B4GALNT4: variants seen among roughly 807,000 people sequenced by gnomAD.
The protein encoded by B4GALNT4 is beta-1,4-N-acetyl-galactosaminyltransferase 4.
In B4GALNT4, 77 loss-of-function variants were observed where a neutral mutation model predicts 110.0. The ratio of observed to expected loss-of-function variants is 0.70; its 90% confidence interval spans 0.58 to 0.85. The LOEUF (loss-of-function observed/expected upper bound fraction) is 0.85. B4GALNT4 is among the 40% of genes least tolerant of loss of function. B4GALNT4 has a pLI of 0.00. For missense variants in B4GALNT4, 1,575 were observed against 1,506.0 expected, an observed-to-expected ratio of 1.05 and a Z score of -0.76; for synonymous variants, 785 against 655.5, an observed-to-expected ratio of 1.20 and a Z score of -3.02.
rs1564870259 is a variant in B4GALNT4 at position 376,182 on chromosome 11, C to CGCGGCCGGGCTAAT, written c.1196+13_1196+26dup. On this transcript the variant is annotated intron_variant, in intron 12 of 19. Transcript: ENST00000329962. ...TCCGCTGTATCTGGAGAGGTGGGCGCGCGGCCGGGCTAATGCGGGGCGGGG... is the reference window on the plus strand; with the variant it reads ...TCCGCTGTATCTGGAGAGGTGGGCGCGCGGCCGGGCTAATGCGGCCGGGCTAATGCGGGGCGGGG... 3 of 1,076,758 alleles carry CGCGGCCGGGCTAAT rather than the reference C, an allele frequency of 2.8e-6. No individual in the cohort carries two copies. Among genetic ancestry groups the CGCGGCCGGGCTAAT allele is most frequent in the Non-Finnish European group, 3.9e-6 (3 of 763,864 alleles). 66.7% of individuals were successfully genotyped at this position (1,076,758 alleles called of 1,614,324 possible). A position where few individuals can be genotyped will look rare whatever the true frequency, so the allele number is the denominator to read the frequency against.
Position 379,606 on chromosome 11 carries a change from C to T in B4GALNT4, c.2393C>T (p.Pro798Leu), listed in dbSNP as rs1225111920. The change falls in exon 15 of 20, where the codon CCC becomes CTC. Residue 798 changes from proline to leucine, a missense_variant. Transcript: ENST00000329962. ...DADGESPEPA[P>L]AASVRPDGRP... ...GACGGAGAAAGTCCCGAACCCGCTC[C>T]CGCCGCCTCCGTGCGCCCCGACGGC... 6.4e-7 allele frequency: 1 copy of T among 1,552,702 alleles called. No homozygotes were observed.
rs554396540 is a variant in B4GALNT4, at chr11:377,404, C to T, written c.2204+77C>T. ...CGGGGAGAGGAGGTCCTGGCCTTGGCGGACTCCTCAGACCTTCCCCAGGGC... is the reference window on the plus strand; with the variant it reads ...CGGGGAGAGGAGGTCCTGGCCTTGGTGGACTCCTCAGACCTTCCCCAGGGC... On this transcript the variant is annotated intron_variant, in intron 14 of 19. Transcript: ENST00000329962. 6.0e-5 allele frequency: 84 copies of T among 1,393,956 alleles called. No homozygotes were observed. In the South Asian group the frequency reaches 1.1e-3, roughly 19 times the overall value. 86.3% of individuals were successfully genotyped at this position (1,393,956 alleles called of 1,614,324 possible).
chr11:375,679 C>A lies in B4GALNT4; in HGVS notation c.891C>A (p.Pro297=). ...AGATGGACCACGTGGCGCACGTCCC[C>A]CAGTCTCCAGCCAGCCACGTGGGGG... The part of the protein sequence containing the change: ...ALKMDHVAHV[P]QSPASHVGGR... The change falls in exon 10 of 20, where the codon CCC becomes CCA. Residue 297 remains proline (P), a synonymous_variant. Transcript: ENST00000329962. 1 of 1,594,040 alleles carries A rather than the reference C, an allele frequency of 6.3e-7. No individual in the cohort carries two copies. Among genetic ancestry groups the A allele is most frequent in the Non-Finnish European group, 8.5e-7 (1 of 1,175,066 alleles).
chr11:380,185 G>T lies in B4GALNT4; in HGVS notation c.2698G>T (p.Gly900Ter). ...CGAGCGCTCCGCCGGGCTGCAGGCG[G>T]GAGTGGACGCGGTAGAGGTCCGAGG... Reference protein sequence around the residue: ...NFERSAGLQAGVDAVEDASSI... With the variant: ...NFERSAGLQA The change falls in exon 17 of 20, where the codon GGA (glycine) becomes TGA (stop). Residue 900 changes from glycine (G) to a stop codon, truncating the protein, a stop_gained. Coordinates refer to ENST00000329962, the MANE Select transcript of B4GALNT4 (RefSeq NM_178537.5). LOFTEE classifies it high-confidence loss of function. 6.2e-7 allele frequency: 1 copy of T among 1,603,434 alleles called. No individual in the cohort carries two copies. The highest frequency in any genetic ancestry group is 8.5e-7 in the Non-Finnish European group (1 of 1,172,896).
At chr11:372,046 C>T (rs1846626394) in intron 1 of B4GALNT4, 63 bp from the exon 2 acceptor site, 4 of 1,382,474 alleles carry the variant, frequency 2.9e-6, no homozygotes, top group South Asian at 1.2e-5. Flanking sequence ...CTGAACCCAG[C>T]AGCAGGCAGA....
Position 380,168 on chromosome 11 carries a change from C to A in B4GALNT4, c.2681C>A (p.Ser894Tyr). The change falls in exon 17 of 20, where the codon TCC becomes TAC. Residue 894 changes from serine to tyrosine, a missense_variant. Ser to Tyr is a moderately radical substitution (Grantham distance 144). Coordinates refer to ENST00000329962, the MANE Select transcript of B4GALNT4 (RefSeq NM_178537.5). ...AGACGAACCGGGAACTTCGAGCGCT[C>A]CGCCGGGCTGCAGGCGGGAGTGGAC... ...YLRRTGNFER[S>Y]AGLQAGVDAV... 1 of 1,603,998 alleles carries A rather than the reference C, an allele frequency of 6.2e-7. No homozygotes were observed. The highest frequency in any genetic ancestry group is 8.5e-7 in the Non-Finnish European group (1 of 1,173,052).
intron 1 of B4GALNT4, among the ~76,000 whole-genome samples, 198 bp downstream of exon 1, chr11:370,152 G>T (rs1223074082): frequency 3.3e-5 from 5 of 151,634 alleles, no homozygotes; most frequent in Non-Finnish European, 5.9e-5. Context: ...TCTGCGATTT[G>T]GGGGGAGGGG....
At chr11:370,232 C>T (rs1050291913) in intron 1 of B4GALNT4, among the ~76,000 whole-genome samples, 26 of 152,160 alleles carry the variant, frequency 1.7e-4, no homozygotes, top group South Asian at 4.1e-4. Context: ...CAGAGAGGGT[C>T]CCTGACTCTG....
chr11:374,202 C>T (rs1846678127), intron 8 of B4GALNT4, among the ~76,000 whole-genome samples: 1 of 152,100 alleles, frequency 6.6e-6, no homozygotes, highest in Non-Finnish European at 1.5e-5. Context: ...GAGCAGCACT[C>T]TGGACAGATA....
chr11:376,312 G>C lies in B4GALNT4; in HGVS notation c.1258G>C (p.Glu420Gln), dbSNP rs755763805. The C allele has an allele frequency of 2.5e-6, 4 of 1,610,172 alleles. No homozygotes were observed. The Admixed American group carries it at 6.7e-5, about 27-fold the overall frequency. The change falls in exon 13 of 20, where the codon GAG (glutamate) becomes CAG (glutamine). Residue 420 changes from glutamate to glutamine, a missense_variant. Coordinates refer to ENST00000329962, the MANE Select transcript of B4GALNT4 (RefSeq NM_178537.5). Reference protein sequence around the residue: ...KEEGDEDEEDEVQRRAFLFLN... With the variant: ...KEEGDEDEEDQVQRRAFLFLN... ...GGAGGGGGATGAGGATGAAGAAGAC[G>C]AGGTGCAGCGCCGAGCCTTCCTCTT...
Position 380,906 on chromosome 11 carries a change from A to T in B4GALNT4, c.2951A>T (p.Glu984Val). ...FDRVGGMNTE[E>V]FRDQWGGEDW... ...CGGGTTGGAGGAATGAACACGGAGG[A>T]GTTCCGAGACCAGTGGGGGGGTGAA... Residue 984 changes from glutamate to valine, a missense_variant, in exon 19 of 20, where the codon GAG (glutamate) becomes GTG (valine). Glu to Val is a moderately radical substitution (Grantham distance 121). Coordinates refer to ENST00000329962, the MANE Select transcript of B4GALNT4 (RefSeq NM_178537.5). 1 of 1,613,596 alleles carries T rather than the reference A, an allele frequency of 6.2e-7. No homozygotes were observed. The highest frequency in any genetic ancestry group is 8.5e-7 in the Non-Finnish European group (1 of 1,179,816).
intron 14 of B4GALNT4, among the ~76,000 whole-genome samples, chr11:378,716 G>A (rs1846809956): frequency 1.3e-5 from 2 of 152,060 alleles, no homozygotes; most frequent in Non-Finnish European, 2.9e-5. Flanking sequence ...GGAAACTGAG[G>A]TTCTTGGCCG....
intron 8 of B4GALNT4, 144 bp from the exon 9 acceptor site, chr11:375,317 C>A (rs1590338410): frequency 2.3e-6 from 2 of 862,052 alleles, no homozygotes; most frequent in East Asian, 2.4e-5. Context: ...TCTTGGAACG[C>A]CCCGGACCCC....
rs182991172 is a variant in B4GALNT4, at chr11:380,969, C to T, written c.2996+18C>T. The T allele has an allele frequency of 1.5e-4, 241 of 1,602,238 alleles. No individual in the cohort carries two copies. The highest frequency in any genetic ancestry group is 4.7e-4 in the Admixed American group (28 of 58,966). On this transcript the variant is annotated intron_variant, in intron 19 of 19. Transcript: ENST00000329962. The stretch of plus-strand genomic sequence containing the variant: ...CTGGACAGGTGACCACCTCCCCACT[C>T]CCCAGAGGTGACACCCTGACCCCTG...
rs555655971 is a variant in B4GALNT4, at chr11:374,335, G to A, written c.783+507G>A. On this transcript the variant is annotated intron_variant, in intron 8 of 19. Transcript: ENST00000329962. ...GCCTTTGGTCCTCAAACCCAGGGAG[G>A]TGGCTGTGGGGATGGACGGGGGAAG... 3.3e-5 allele frequency among the ~76,000 whole-genome samples: 5 copies of A among 152,000 alleles called. No homozygotes were observed. In the East Asian group the frequency reaches 5.9e-4, roughly 18 times the overall value.
chr11:376,431 C>G lies in B4GALNT4; in HGVS notation c.1308C>G (p.Asp436Glu), dbSNP rs1564870524. 6 of 1,597,462 alleles carry G rather than the reference C, an allele frequency of 3.8e-6. No homozygotes were observed. The highest frequency in any genetic ancestry group is 1.7e-5 in the Admixed American group (1 of 59,776). The part of the protein sequence containing the change: ...FLFLNPDDFL[D>E]DEDEGELLDS... ...CCGCGTTTCCCGCAGACTTCCTGGA[C>G]GACGAGGACGAGGGGGAGCTGCTCG... is the stretch of plus-strand genomic sequence containing the variant. The change falls in exon 14 of 20, where the codon GAC (aspartate) becomes GAG (glutamate). Residue 436 changes from aspartate to glutamate, a missense_variant. Asp to Glu is a conservative substitution (Grantham distance 45). Transcript: ENST00000329962.
At position 380,460 on chromosome 11, in the gene B4GALNT4, G is replaced by A. The variant is rs778567509; in HGVS notation, c.2869+15G>A. 2.5e-6 allele frequency: 4 copies of A among 1,571,866 alleles called. No individual in the cohort carries two copies. Among genetic ancestry groups the A allele is most frequent in the Non-Finnish European group, 3.4e-6 (4 of 1,161,490 alleles). On this transcript the variant is annotated intron_variant, in intron 18 of 19. Coordinates refer to ENST00000329962, the MANE Select transcript of B4GALNT4 (RefSeq NM_178537.5). The stretch of plus-strand genomic sequence containing the variant: ...GGACCCCCACGGTGAGGCCCCGAGC[G>A]TCCCACCCTGTGATACCAGGGTTCC...
rs1237273093 is a variant in B4GALNT4, at chr11:379,826, C to T, written c.2489-40C>T. The T allele has an allele frequency of 1.9e-6, 3 of 1,556,176 alleles. No individual in the cohort carries two copies. In the African/African-American group the frequency reaches 4.1e-5, roughly 21 times the overall value. On this transcript the variant is annotated intron_variant, in intron 15 of 19. Coordinates refer to ENST00000329962, the MANE Select transcript of B4GALNT4 (RefSeq NM_178537.5). ...GAGCTGGGAGGCCCCACCGTAGAGTCAGCGTCGGCTCAGCGCCCCCCCCGC... is the reference window on the plus strand; with the variant it reads ...GAGCTGGGAGGCCCCACCGTAGAGTTAGCGTCGGCTCAGCGCCCCCCCCGC...
Position 373,534 on chromosome 11 carries a change from G to A in B4GALNT4, c.704+18G>A. On this transcript the variant is annotated intron_variant, in intron 7 of 19. Transcript: ENST00000329962. The stretch of plus-strand genomic sequence containing the variant: ...CCCAGGCGGTGAGTGACTGTGGGGT[G>A]CATGTGCGTGCACTTGTGTATTCGT... The A allele has an allele frequency of 3.1e-6, 5 of 1,610,940 alleles. No individual in the cohort carries two copies. The highest frequency in any genetic ancestry group is 4.2e-6 in the Non-Finnish European group (5 of 1,178,950).
Sources: gnomAD v4.1 joint callset for allele counts (sites outside exome capture counted in the v4.1 genomes callset) on GRCh38, gnomAD v4.1.1 for gene constraint, MANE v1.5 for transcripts, NCBI Gene and HGNC (gene_info 2026-07-23, HGNC 2026-07-21) for gene names.